Variants in TRPC7 observed in about 807,000 individuals in gnomAD.
The protein encoded by TRPC7 is transient receptor potential cation channel subfamily C member 7, also known as short transient receptor potential channel 7.
Under a neutral mutation model 90.1 loss-of-function variants are expected in TRPC7, and 42 were observed. The observed-to-expected ratio is 0.47, with a 90% CI of 0.36 to 0.60. The LOEUF (loss-of-function observed/expected upper bound fraction) is 0.60, where lower values mean the gene tolerates loss of function less well. Among genes scored for constraint, TRPC7 ranks in the 20% least tolerant of loss-of-function variants. The pLI is 0.00. For missense variants in TRPC7, 955 were observed against 1,112.3 expected, an observed-to-expected ratio of 0.86 and a Z score of 2.01; for synonymous variants, 451 against 436.3, an observed-to-expected ratio of 1.03 and a Z score of -0.42.
chr5:136,277,042 G>T (rs1757387634), intron 3 of TRPC7, among the ~76,000 whole-genome samples: 1 of 152,222 alleles, frequency 6.6e-6, no homozygotes, highest in South Asian at 2.1e-4. Context: ...CACTACTGCT[G>T]CCTGGGAAGG....
intron 4 of TRPC7, among the ~76,000 whole-genome samples, chr5:136,272,752 G>C (rs1456355823): frequency 6.6e-6 from 1 of 152,124 alleles, no homozygotes; most frequent in Non-Finnish European, 1.5e-5. Flanking sequence ...GGAAACCCCT[G>C]TTATGGACCA....
chr5:136,269,748 T>A (rs559481319), intron 4 of TRPC7, among the ~76,000 whole-genome samples: 50 of 152,292 alleles, frequency 3.3e-4, no homozygotes, highest in African/African-American at 7.5e-4. Context: ...CTGGTTAAAT[T>A]AGAGGCAGAT....
chr5:136,216,511 C>T (rs1349337649), intron 10 of TRPC7, among the ~76,000 whole-genome samples: 1 of 152,186 alleles, frequency 6.6e-6, no homozygotes, highest in African/African-American at 2.4e-5. Context: ...AACAGGAATA[C>T]TTCTTAATGG....
intron 2 of TRPC7, among the ~76,000 whole-genome samples, chr5:136,334,557 C>T (rs916497838): frequency 3.9e-5 from 6 of 152,208 alleles, no homozygotes; most frequent in African/African-American, 1.4e-4. Flanking sequence ...AAGACAAGCT[C>T]AAAAGCAACT....
chr5:136,233,847 AT>A (rs1399700073), intron 7 of TRPC7, among the ~76,000 whole-genome samples: 2 of 151,940 alleles, frequency 1.3e-5, no homozygotes, highest in Non-Finnish European at 2.9e-5. Context: ...TTCAGCTTCC[AT>A]TTTTTTCTCA....
chr5:136,226,868 A>T (rs1288052151), intron 8 of TRPC7, among the ~76,000 whole-genome samples: 1 of 152,260 alleles, frequency 6.6e-6, no homozygotes, highest in Non-Finnish European at 1.5e-5. Flanking sequence ...TATTGTTTTC[A>T]TACTAGGTCT....
intron 5 of TRPC7, 29 bp from the exon 6 acceptor site, chr5:136,251,911 C>G (rs763102925): frequency 5.0e-6 from 8 of 1,592,274 alleles, no homozygotes; most frequent in Non-Finnish European, 6.9e-6. Context: ...GCCAGGCTCA[C>G]TTTTCGTTTC....
At chr5:136,311,793 C>A (rs1320734367) in intron 3 of TRPC7, among the ~76,000 whole-genome samples, 1 of 152,146 alleles carries the variant, frequency 6.6e-6, no homozygotes, top group African/African-American at 2.4e-5. Context: ...ATGAGGCAAG[C>A]TTGGCTTCTT....
chr5:136,313,417 ATCTG>A lies in TRPC7; in HGVS notation c.963+2176_963+2179del, dbSNP rs72415099. Among the ~76,000 whole-genome samples the A allele has an allele frequency of 5.2e-3, 788 of 151,774 alleles. 9 individuals are homozygous for A. The highest frequency in any genetic ancestry group is 0.018 in the African/African-American group (741 of 41,264). On this transcript the variant is annotated intron_variant, in intron 3 of 11. Transcript: ENST00000513104. The stretch of plus-strand genomic sequence containing the variant: ...TATCTATCTATCTATCTATCTATCT[ATCTG>A]TCTATCAAGTTGTAAAGGGCAGTGC...
At chr5:136,229,952 A>G (rs1284163051) in intron 8 of TRPC7, among the ~76,000 whole-genome samples, 1 of 152,168 alleles carries the variant, frequency 6.6e-6, no homozygotes, top group Non-Finnish European at 1.5e-5. Flanking sequence ...TGTTACATAG[A>G]TTAGATTCCC....
At chr5:136,360,510 G>C (rs181291038) in intron 1 of TRPC7, among the ~76,000 whole-genome samples, 1 of 152,220 alleles carries the variant, frequency 6.6e-6, no homozygotes, top group South Asian at 2.1e-4. Flanking sequence ...CTTGGCAGAC[G>C]TTAAAATGTC....
chr5:136,274,524 TG>T, intron 4 of TRPC7, 148 bp downstream of exon 4: 1 of 831,716 alleles, frequency 1.2e-6, no homozygotes, highest in South Asian at 4.6e-5. Context: ...TCCTTTTATG[TG>T]GTTTCCTACT....
At chr5:136,345,710 C>T (rs1759985575) in intron 2 of TRPC7, among the ~76,000 whole-genome samples, 2 of 152,116 alleles carry the variant, frequency 1.3e-5, no homozygotes. Context: ...TTAATTAGAT[C>T]CCATTTGTCA....
chr5:136,282,146 C>T (rs1381226813), intron 3 of TRPC7, among the ~76,000 whole-genome samples: 1 of 152,140 alleles, frequency 6.6e-6, no homozygotes, highest in Non-Finnish European at 1.5e-5. Flanking sequence ...AGTGGGAATG[C>T]TTTCTTTAAA....
intron 7 of TRPC7, among the ~76,000 whole-genome samples, chr5:136,236,169 A>T (rs143095287): frequency 6.6e-6 from 1 of 152,318 alleles, no homozygotes; most frequent in East Asian, 1.9e-4. Flanking sequence ...CCCAGATCAA[A>T]TGTGTTTCTG....
At chr5:136,215,036 C>T (rs1755218891) in intron 11 of TRPC7, among the ~76,000 whole-genome samples, 1 of 152,108 alleles carries the variant, frequency 6.6e-6, no homozygotes, top group Non-Finnish European at 1.5e-5. Flanking sequence ...AGCAGATCCC[C>T]AGACCCCACT....
intron 2 of TRPC7, among the ~76,000 whole-genome samples, chr5:136,340,107 G>A (rs1759797206): frequency 6.6e-6 from 1 of 152,092 alleles, no homozygotes; most frequent in African/African-American, 2.4e-5. Flanking sequence ...AAAAAATGTG[G>A]TATATATACA....
At chr5:136,257,890 C>T (rs913499122) in intron 5 of TRPC7, among the ~76,000 whole-genome samples, 2 of 152,142 alleles carry the variant, frequency 1.3e-5, no homozygotes, top group African/African-American at 4.8e-5. Context: ...TTTAGCATGG[C>T]ACTAGGAGAG....
intron 6 of TRPC7, among the ~76,000 whole-genome samples, chr5:136,249,505 C>T (rs1756452645): frequency 6.6e-6 from 1 of 152,160 alleles, no homozygotes; most frequent in Admixed American, 6.5e-5. Flanking sequence ...TAAGACATAA[C>T]TTCTCCCGTT....
Sources: gnomAD v4.1 joint callset for allele counts (sites outside exome capture counted in the v4.1 genomes callset) on GRCh38, gnomAD v4.1.1 for gene constraint, MANE v1.5 for transcripts, NCBI Gene and HGNC (gene_info 2026-07-23, HGNC 2026-07-21) for gene names.